The following ADGRB3 variants were observed in gnomAD, a reference collection of about 807,000 sequenced individuals.
The protein encoded by ADGRB3 is adhesion G protein-coupled receptor B3.
In ADGRB3, 37 loss-of-function variants were observed where a neutral mutation model predicts 193.4. The ratio of observed to expected loss-of-function variants is 0.19; its 90% CI spans 0.15 to 0.25. ADGRB3 has a LOEUF of 0.25. ADGRB3 is among the 10% of genes least tolerant of loss of function. ADGRB3 has a pLI of 1.00. For synonymous variants in ADGRB3, 690 were observed against 644.2 expected, an observed-to-expected ratio of 1.07 and a Z score of -1.08; for missense variants, 1,637 against 1,852.9, an observed-to-expected ratio of 0.88 and a Z score of 2.14.
chr6:69,185,960 C>A (rs1765057639), intron 17 of ADGRB3, among the ~76,000 whole-genome samples: 1 of 152,046 alleles, frequency 6.6e-6, no homozygotes. Context: ...AGTGATCAAT[C>A]TGAGTAAAAG....
At position 69,121,829 on chromosome 6, in the gene ADGRB3, G is replaced by A. The variant is rs553773857; in HGVS notation, c.2480+45791G>A. On this transcript the variant is annotated intron_variant, in intron 17 of 31. Transcript: ENST00000370598. ...CTCACATCCCAGACAATGGGCGGCCGGGCAGAGGCGCTCCTCACCTCCCAG... is the reference window on the plus strand; with the variant it reads ...CTCACATCCCAGACAATGGGCGGCCAGGCAGAGGCGCTCCTCACCTCCCAG... Among the ~76,000 whole-genome samples the A allele has an allele frequency of 7.4e-3, 1,089 of 146,528 alleles. 8 individuals carry two copies. Among genetic ancestry groups the A allele is most frequent in the African/African-American group, 0.011 (432 of 39,810 alleles).
intron 31 of ADGRB3, among the ~76,000 whole-genome samples, chr6:69,384,140 A>T (rs923182222): frequency 1.3e-5 from 2 of 151,984 alleles, no homozygotes; most frequent in African/African-American, 2.4e-5. Flanking sequence ...GATTTATAGC[A>T]TGGCTATGAT....
chr6:68,712,710 G>T (rs925566376), intron 3 of ADGRB3, among the ~76,000 whole-genome samples: 1 of 151,876 alleles, frequency 6.6e-6, no homozygotes, highest in East Asian at 1.9e-4. Flanking sequence ...CAGTTGAATG[G>T]ATTTTGCTTT....
At chr6:69,072,890 G>A (rs1298186698) in intron 16 of ADGRB3, among the ~76,000 whole-genome samples, 2 of 152,284 alleles carry the variant, frequency 1.3e-5, no homozygotes, top group East Asian at 1.9e-4. Flanking sequence ...AAAAATTCAG[G>A]TAAGACTGGA....
intron 17 of ADGRB3, among the ~76,000 whole-genome samples, chr6:69,147,066 G>T (rs570012401): frequency 9.3e-5 from 14 of 151,138 alleles, no homozygotes; most frequent in Admixed American, 5.9e-4. Context: ...CTGGCAAAAG[G>T]TTTTTTTATC....
At chr6:68,917,598 GT>G (rs1217591219) in intron 3 of ADGRB3, among the ~76,000 whole-genome samples, 1 of 151,972 alleles carries the variant, frequency 6.6e-6, no homozygotes, top group Non-Finnish European at 1.5e-5. Flanking sequence ...AAGTTTGATT[GT>G]TTGGATTTGT....
At chr6:69,329,319 C>T (rs766119036) in intron 22 of ADGRB3, among the ~76,000 whole-genome samples, 16 of 152,072 alleles carry the variant, frequency 1.1e-4, no homozygotes, top group South Asian at 6.2e-4. Flanking sequence ...ACGGTTTTAT[C>T]TTTCTGCTGT....
At chr6:69,307,151 G>A (rs376967975) in intron 20 of ADGRB3, among the ~76,000 whole-genome samples, 2 of 151,128 alleles carry the variant, frequency 1.3e-5, no homozygotes, top group African/African-American at 4.9e-5. Flanking sequence ...AAGAAGTACA[G>A]TTGCATTGCA....
intron 3 of ADGRB3, among the ~76,000 whole-genome samples, chr6:68,735,264 A>G (rs1239646533): frequency 3.9e-5 from 6 of 152,022 alleles, no homozygotes; most frequent in Non-Finnish European, 8.8e-5. Context: ...CAAATAATTT[A>G]ATCTAAGACA....
intron 17 of ADGRB3, among the ~76,000 whole-genome samples, chr6:69,138,976 TTTACCCTAA>T (rs1338292618): frequency 6.6e-6 from 1 of 152,200 alleles, no homozygotes; most frequent in Non-Finnish European, 1.5e-5. Context: ...GGTTTTTGTG[TTTACCCTAA>T]GCCCAAGAAT....
At chr6:68,695,846 C>A (rs565331455) in intron 3 of ADGRB3, among the ~76,000 whole-genome samples, 1 of 152,056 alleles carries the variant, frequency 6.6e-6, no homozygotes, top group Non-Finnish European at 1.5e-5. Context: ...TTTTTCAGTG[C>A]TTTTGACCCT....
At chr6:69,066,594 G>A (rs1321724564) in intron 16 of ADGRB3, among the ~76,000 whole-genome samples, 1 of 152,066 alleles carries the variant, frequency 6.6e-6, no homozygotes, top group African/African-American at 2.4e-5. Context: ...AAAGCCAATT[G>A]CAGCTTTAAC....
chr6:69,379,633 C>T (rs377275092), intron 30 of ADGRB3, among the ~76,000 whole-genome samples: 14 of 152,044 alleles, frequency 9.2e-5, no homozygotes, highest in African/African-American at 2.6e-4. Context: ...AAAGGCTGGA[C>T]GATCTACTTG....
chr6:69,010,413 G>A (rs140465619), intron 11 of ADGRB3, among the ~76,000 whole-genome samples: 1,937 of 152,078 alleles, frequency 0.013, 109 homozygotes, highest in Admixed American at 0.092. Flanking sequence ...TTATAGGTGC[G>A]TATTTGCCAT....
intron 3 of ADGRB3, among the ~76,000 whole-genome samples, chr6:68,678,705 T>A (rs774270079): frequency 1.3e-5 from 2 of 152,198 alleles, no homozygotes; most frequent in Non-Finnish European, 2.9e-5. Flanking sequence ...TCTATTTGTG[T>A]GTGTGTGTGT....
chr6:69,269,538 T>C (rs184575318), intron 20 of ADGRB3, among the ~76,000 whole-genome samples: 7 of 152,172 alleles, frequency 4.6e-5, no homozygotes, highest in Admixed American at 4.6e-4. Context: ...TAAATGCATA[T>C]CTATCAAATA....
chr6:68,858,106 A>G (rs1314111273), intron 3 of ADGRB3, among the ~76,000 whole-genome samples: 114 of 152,092 alleles, frequency 7.5e-4, no homozygotes, highest in Non-Finnish European at 1.3e-4. Context: ...TAAATTGCCA[A>G]GTTTTTGGTA....
At chr6:69,247,860 C>T (rs914368045) in intron 20 of ADGRB3, among the ~76,000 whole-genome samples, 29 of 151,824 alleles carry the variant, frequency 1.9e-4, no homozygotes, top group Non-Finnish European at 4.4e-5. Flanking sequence ...TTTTTGGGGG[C>T]CCCATTTGGA....
intron 3 of ADGRB3, among the ~76,000 whole-genome samples, chr6:68,678,748 G>T (rs1489271026): frequency 6.6e-6 from 1 of 151,960 alleles, no homozygotes; most frequent in Non-Finnish European, 1.5e-5. Context: ...ATTTCACTTT[G>T]ATTTTTGTTA....
Sources: allele counts gnomAD v4.1 joint callset (sites outside exome capture counted in the v4.1 genomes callset), GRCh38; gene constraint gnomAD v4.1.1; transcripts MANE v1.5; gene names NCBI Gene and HGNC (gene_info 2026-07-23, HGNC 2026-07-21).